The following IARS1 variants were observed in gnomAD, a reference collection of about 807,000 sequenced individuals.
The protein encoded by IARS1 is isoleucine--tRNA ligase, cytoplasmic.
In IARS1, 124 loss-of-function variants were observed where a neutral mutation model predicts 168.2. The ratio of observed to expected loss-of-function variants is 0.74; its 90% CI spans 0.64 to 0.86. The LOEUF (loss-of-function observed/expected upper bound fraction) is 0.86, where lower values mean the gene tolerates loss of function less well. Ranked by LOEUF, IARS1 falls within the 40% of genes least tolerant of loss-of-function variation. The pLI, the probability that IARS1 is intolerant of heterozygous loss-of-function variation, is 0.00. For missense variants in IARS1, 1,452 were observed against 1,515.8 expected, an observed-to-expected ratio of 0.96 and a Z score of 0.70; for synonymous variants, 532 against 529.4, an observed-to-expected ratio of 1.00 and a Z score of -0.07.
intron 1 of IARS1, among the ~76,000 whole-genome samples, chr9:92,290,013 G>A (rs1836064779): frequency 6.6e-6 from 1 of 152,160 alleles, no homozygotes; most frequent in South Asian, 2.1e-4. Flanking sequence ...ACGCTGCTAT[G>A]AACATTCACA....
intron 13 of IARS1, 37 bp downstream of exon 13, chr9:92,269,848 C>T: frequency 7.1e-7 from 1 of 1,404,802 alleles, no homozygotes; most frequent in South Asian, 1.2e-5. Context: ...AACCACATGA[C>T]AAAAGACACT....
intron 16 of IARS1, 81 bp downstream of exon 16, chr9:92,264,848 T>C: frequency 8.3e-7 from 1 of 1,210,478 alleles, no homozygotes; most frequent in African/African-American, 1.5e-5. Context: ...ACCCAGTAGA[T>C]AAATGGCAGT....
intron 30 of IARS1, chr9:92,240,143 G>C (rs992407478): frequency 2.6e-5 from 4 of 153,570 alleles, no homozygotes; most frequent in African/African-American, 9.6e-5. Context: ...TCTTATGCTT[G>C]TTTTTACATG....
In IARS1 at chr9:92,216,714, A is replaced by T. The variant is rs1838765352; in HGVS notation, c.3706+5806T>A. ...ATGGTAAAGGGATCAATTCAACAAGAAGAGCTAACTATCCTAAATATATAT... is the reference window on the plus strand; with the variant it reads ...ATGGTAAAGGGATCAATTCAACAAGTAGAGCTAACTATCCTAAATATATAT... On this transcript the variant is annotated intron_variant, in intron 33 of 33. Coordinates refer to ENST00000443024, the MANE Select transcript of IARS1 (RefSeq NM_002161.6). 4.9e-5 allele frequency among the ~76,000 whole-genome samples: 6 copies of T among 121,744 alleles called. 1 individual carries two copies. The South Asian group carries it at 2.1e-3, about 43-fold the overall frequency. 79.9% of individuals were successfully genotyped at this position (121,744 alleles called of 152,430 possible). A position where few individuals can be genotyped will look rare whatever the true frequency, so the allele number is the denominator to read the frequency against.
Position 92,277,881 on chromosome 9 carries a change from CAG to C in IARS1, c.874_875del (p.Leu292ValfsTer2). 1 of 1,613,876 alleles carries C rather than the reference CAG, an allele frequency of 6.2e-7. No homozygotes were observed. The highest frequency in any genetic ancestry group is 8.5e-7 in the Non-Finnish European group (1 of 1,179,910). On this transcript the variant is annotated frameshift_variant, in exon 9 of 34. Transcript: ENST00000443024. LOFTEE classifies it high-confidence loss of function. The part of the protein sequence containing the change: ...AYLKGKKYRP[L>X]FDYFLKCKEN... ...AGCTTACCTTCAGGAAATAGTCAAA[CAG>C]GGGCCTGTACTTCTTGCCTTTAAGA... is the stretch of plus-strand genomic sequence containing the variant.
Position 92,244,175 on chromosome 9 carries a change from C to T in IARS1, c.2904+784G>A, listed in dbSNP as rs544022203. Among the ~76,000 whole-genome samples, 3 of 152,302 alleles carry T rather than the reference C, an allele frequency of 2.0e-5. No individual in the cohort carries two copies. In the South Asian group the frequency reaches 6.2e-4, roughly 32 times the overall value. On this transcript the variant is annotated intron_variant, in intron 27 of 33. Transcript: ENST00000443024. ...GGTGGACAACTTTTCAGGCCCCTAA[C>T]ATCTGCTGTAATGAGGAAGAACTGC...
intron 12 of IARS1, among the ~76,000 whole-genome samples, chr9:92,270,451 C>A (rs1237194392): frequency 6.6e-6 from 1 of 152,150 alleles, no homozygotes; most frequent in African/African-American, 2.4e-5. Context: ...TTGTACAGGT[C>A]TATTTTTCTC....
chr9:92,270,466 A>G (rs1188787380), intron 12 of IARS1, among the ~76,000 whole-genome samples: 1 of 152,218 alleles, frequency 6.6e-6, no homozygotes, highest in Admixed American at 6.5e-5. Flanking sequence ...TTTCTCTCAC[A>G]GTTCCTTAGG....
At chr9:92,272,545 G>T (rs1833199598) in intron 10 of IARS1, among the ~76,000 whole-genome samples, 1 of 152,142 alleles carries the variant, frequency 6.6e-6, no homozygotes, top group Non-Finnish European at 1.5e-5. Flanking sequence ...GCAACGGAAG[G>T]CCTCTCAGAA....
Position 92,249,853 on chromosome 9 carries a change from C to G in IARS1, c.2616+5G>C, listed in dbSNP as rs2133691481. 6.7e-7 allele frequency: 1 copy of G among 1,495,708 alleles called. No homozygotes were observed. Among genetic ancestry groups the G allele is most frequent in the East Asian group, 2.3e-5 (1 of 44,284 alleles). The allele number at this position is 1,495,708 out of a possible 1,614,324, so 92.7% of individuals were successfully genotyped here. On this transcript the variant is annotated splice_donor_5th_base_variant and intron_variant, in intron 25 of 33. Transcript: ENST00000443024. ...TACCAAAAACAGACAAATCATCTAC[C>G]TTACCTCAATGATATACTTCTCCAA...
intron 29 of IARS1, among the ~76,000 whole-genome samples, chr9:92,241,172 TAA>T (rs1397529470): frequency 6.6e-6 from 1 of 152,278 alleles, no homozygotes; most frequent in Non-Finnish European, 1.5e-5. Flanking sequence ...TATGCTCACT[TAA>T]AAAAAGTCAA....
chr9:92,238,552 G>A (rs960574301), intron 30 of IARS1, among the ~76,000 whole-genome samples: 9 of 152,194 alleles, frequency 5.9e-5, no homozygotes, highest in African/African-American at 2.2e-4. Flanking sequence ...TGCTTGTGCC[G>A]TGCTTCTCAT....
intron 16 of IARS1, among the ~76,000 whole-genome samples, chr9:92,264,573 A>T (rs985751225): frequency 6.6e-6 from 1 of 152,250 alleles, no homozygotes; most frequent in Admixed American, 6.5e-5. Context: ...AATTTCTAGC[A>T]CCCAAACTAC....
chr9:92,250,124 A>G (rs1829793819), intron 24 of IARS1, 63 bp downstream of exon 24: 1 of 1,130,340 alleles, frequency 8.8e-7, no homozygotes, highest in Admixed American at 1.7e-5. Context: ...ATATTAAAAA[A>G]GCATTCCAAA....
At chr9:92,253,639 C>T (rs1830318925) in intron 20 of IARS1, among the ~76,000 whole-genome samples, 186 bp from the exon 21 acceptor site, 1 of 152,152 alleles carries the variant, frequency 6.6e-6, no homozygotes, top group African/African-American at 2.4e-5. Flanking sequence ...ACATGGCAGT[C>T]AGAGTGTTTA....
chr9:92,269,707 T>C (rs1187498136), intron 13 of IARS1, among the ~76,000 whole-genome samples, 178 bp downstream of exon 13: 1 of 152,264 alleles, frequency 6.6e-6, no homozygotes, highest in Non-Finnish European at 1.5e-5. Flanking sequence ...AGGATGTTAC[T>C]TCTGTTCTGT....
intron 1 of IARS1, chr9:92,293,368 C>G: frequency 2.4e-6 from 1 of 420,512 alleles, no homozygotes; most frequent in East Asian, 6.4e-5. Context: ...ATTGCCTATA[C>G]ATAAAGTCAC....
intron 15 of IARS1, 37 bp downstream of exon 15, chr9:92,265,443 C>T (rs762070353): frequency 4.5e-6 from 7 of 1,565,570 alleles, no homozygotes; most frequent in Middle Eastern, 3.3e-4. Context: ...ATAGGAGAAT[C>T]GTAAAACTGA....
intron 33 of IARS1, among the ~76,000 whole-genome samples, chr9:92,214,856 C>T (rs1436800558): frequency 1.3e-5 from 2 of 152,254 alleles, no homozygotes; most frequent in East Asian, 1.9e-4. Context: ...GGGGCGCCCG[C>T]CATTGCCCAG....
Sources: allele counts gnomAD v4.1 joint callset (sites outside exome capture counted in the v4.1 genomes callset), GRCh38; gene constraint gnomAD v4.1.1; transcripts MANE v1.5; gene names NCBI Gene and HGNC (gene_info 2026-07-23, HGNC 2026-07-21).